Variants in GTF2IRD2 observed in about 807,000 individuals in gnomAD.
GTF2IRD2 encodes the protein general transcription factor II-I repeat domain-containing protein 2A.
A neutral mutation model predicts 49.2 loss-of-function variants in GTF2IRD2; 8 were observed. That is an observed-to-expected ratio of 0.16 (90% CI 0.10 to 0.29). The LOEUF is 0.29. GTF2IRD2 is among the 10% of genes least tolerant of loss of function. The probability of loss-of-function intolerance (pLI) is 1.00; values close to 1 mark genes in which losing one functional copy is unlikely to be tolerated. For synonymous variants in GTF2IRD2, 47 were observed against 289.7 expected (o/e 0.16, Z 8.51); for missense variants, 130 against 725.7 (o/e 0.18, Z 9.43).
chr7:74,831,222 C>G (rs1195269498), intron 3 of GTF2IRD2, among the ~76,000 whole-genome samples: 1 of 150,624 alleles, frequency 6.6e-6, no homozygotes, highest in African/African-American at 2.4e-5. Flanking sequence ...CTCTCTCTAT[C>G]CATTCATCTA....
At chr7:74,833,324 G>T (rs1450174815) in intron 2 of GTF2IRD2, among the ~76,000 whole-genome samples, 1 of 70,418 alleles carries the variant, frequency 1.4e-5, no homozygotes, top group African/African-American at 5.6e-5. Context: ...CTTGTGATCC[G>T]CCCACCTTGG....
intron 15 of GTF2IRD2, chr7:74,799,011 C>CTTTTTTTTTTTTTTT (rs1286153945): frequency 7.0e-5 from 9 of 129,198 alleles, no homozygotes; most frequent in Non-Finnish European, 1.1e-4. Flanking sequence ...TTTTCTTTTT[C>CTTTTTTTTTTTTTTT]TTTTTTTTTT....
chr7:74,824,195 A>C (rs1188883529), intron 4 of GTF2IRD2, among the ~76,000 whole-genome samples: 5 of 132,818 alleles, frequency 3.8e-5, no homozygotes, highest in Non-Finnish European at 7.9e-5. Flanking sequence ...GTGGCCAGGC[A>C]CGGCGGCTCA....
At chr7:74,816,880 TG>T (rs1798557518) in intron 8 of GTF2IRD2, among the ~76,000 whole-genome samples, 1 of 127,464 alleles carries the variant, frequency 7.8e-6, no homozygotes, top group South Asian at 2.8e-4. Context: ...GATCCTTGGG[TG>T]TGACAAAGGA....
At position 74,842,374 on chromosome 7, in the gene GTF2IRD2, C is replaced by T. The variant is rs371327355; in HGVS notation, c.-5-5991G>A. On this transcript the variant is annotated intron_variant, in intron 1 of 15. Transcript: ENST00000451013. ...CCTCCTGAGTAGCTAGGATTACAGG[C>T]GTGCACCACCATGCCCAGCTAATTT... 1.5e-5 allele frequency among the ~76,000 whole-genome samples: 2 copies of T among 135,508 alleles called. 1 individual carries two copies. Among genetic ancestry groups the T allele is most frequent in the Admixed American group, 1.5e-4 (2 of 13,532 alleles). 88.9% of individuals were successfully genotyped at this position (135,508 alleles called of 152,430 possible).
chr7:74,806,569 C>T (rs1345265408), intron 12 of GTF2IRD2, among the ~76,000 whole-genome samples: 3 of 152,180 alleles, frequency 2.0e-5, no homozygotes, highest in Non-Finnish European at 4.4e-5. Context: ...CTTAGCCTCC[C>T]AAAGTGCTGG....
chr7:74,832,696 G>A, intron 3 of GTF2IRD2, 109 bp downstream of exon 3: 3 of 1,231,906 alleles, frequency 2.4e-6, no homozygotes, highest in Non-Finnish European at 3.5e-6. Context: ...GATGTGTTAG[G>A]ATCGTTTCTA....
intron 1 of GTF2IRD2, among the ~76,000 whole-genome samples, chr7:74,841,758 G>A (rs1554421889): frequency 2.1e-5 from 3 of 143,382 alleles, no homozygotes; most frequent in Admixed American, 2.1e-4. Context: ...TATAGGAACT[G>A]AAAATAGATT....
rs1554421474 is a variant in GTF2IRD2 at position 74,839,692 on chromosome 7, G to T, written c.-5-3309C>A. Reference sequence around the variant, plus strand: ...CCTGCAATTGCCATTGATCTATGATGTCATCACACTCAATGTGTATTAAGA... The same window carrying T: ...CCTGCAATTGCCATTGATCTATGATTTCATCACACTCAATGTGTATTAAGA... On this transcript the variant is annotated intron_variant, in intron 1 of 15. Transcript: ENST00000451013. Among the ~76,000 whole-genome samples the T allele has an allele frequency of 5.6e-4, 64 of 114,486 alleles. 1 individual carries two copies. The highest frequency in any genetic ancestry group is 1.1e-3 in the Non-Finnish European group (60 of 55,408). The allele number at this position is 114,486 out of a possible 152,430, so 75.1% of individuals were successfully genotyped here.
intron 15 of GTF2IRD2, among the ~76,000 whole-genome samples, 196 bp from the exon 16 acceptor site, chr7:74,798,461 C>T (rs1554416619): frequency 6.6e-6 from 1 of 151,862 alleles, no homozygotes; most frequent in Admixed American, 6.6e-5. Flanking sequence ...AGGATGCCAG[C>T]TGTGGCCAGA....
At position 74,797,584 on chromosome 7, in the gene GTF2IRD2, C is replaced by T. The variant is rs1197018458; in HGVS notation, c.1928G>A (p.Cys643Tyr). The T allele has an allele frequency of 6.3e-7, 1 of 1,585,310 alleles. No individual in the cohort carries two copies. Among genetic ancestry groups the T allele is most frequent in the East Asian group, 2.3e-5 (1 of 44,044 alleles). ...TKLKSRVATF[C>Y]KGAELKSICC... is the part of the protein sequence containing the mutation. ...GATGGACTTCAGTTCCGCACCCTTG[C>T]AGAACGTCGCCACCCTGGACTTCAG... The change falls in exon 16 of 16, where the codon TGC becomes TAC. Residue 643 changes from cysteine to tyrosine, a missense_variant. Physicochemically the swap from Cys to Tyr is radical, Grantham distance 194. Transcript: ENST00000451013.
chr7:74,830,108 G>A (rs1283551209), intron 3 of GTF2IRD2, among the ~76,000 whole-genome samples: 3 of 144,572 alleles, frequency 2.1e-5, no homozygotes, highest in Non-Finnish European at 3.0e-5. Context: ...CATGCCAGGT[G>A]CAGATCTCAG....
At chr7:74,818,573 C>A (rs1383620814) in intron 8 of GTF2IRD2, among the ~76,000 whole-genome samples, 1 of 136,990 alleles carries the variant, frequency 7.3e-6, no homozygotes, top group Non-Finnish European at 1.5e-5. Context: ...GATCCTCCCA[C>A]CTCAGCCTCC....
At chr7:74,831,210 C>G (rs1799814300) in intron 3 of GTF2IRD2, among the ~76,000 whole-genome samples, 3 of 150,872 alleles carry the variant, frequency 2.0e-5, no homozygotes, top group South Asian at 4.2e-4. Context: ...ATCTCTCTCT[C>G]TCTCTCTCTA....
intron 3 of GTF2IRD2, among the ~76,000 whole-genome samples, chr7:74,831,402 A>G (rs1280935555): frequency 6.7e-6 from 1 of 150,014 alleles, no homozygotes; most frequent in African/African-American, 2.5e-5. Context: ...TTATTTATCT[A>G]TCTACCTATC....
At chr7:74,826,082 G>T (rs1418179035) in intron 3 of GTF2IRD2, among the ~76,000 whole-genome samples, 1 of 151,570 alleles carries the variant, frequency 6.6e-6, no homozygotes, top group South Asian at 2.1e-4. Context: ...ACCACACCCC[G>T]CCAAGTATAG....
chr7:74,831,214 C>G (rs1173743885), intron 3 of GTF2IRD2, among the ~76,000 whole-genome samples: 5 of 150,982 alleles, frequency 3.3e-5, no homozygotes, highest in African/African-American at 7.3e-5. Flanking sequence ...CTCTCTCTCT[C>G]TCTCTATCCA....
At chr7:74,818,459 T>TC (rs1387996685) in intron 8 of GTF2IRD2, among the ~76,000 whole-genome samples, 53,048 of 88,542 alleles carry the variant, frequency 0.6, 16,186 homozygotes, top group East Asian at 0.81. Context: ...TCTCTCTCTC[T>TC]TTTTTTTTTT....
intron 6 of GTF2IRD2, chr7:74,822,056 T>G (rs1382225194): frequency 7.2e-5 from 25 of 345,204 alleles, no homozygotes; most frequent in Admixed American, 1.2e-4. Flanking sequence ...GTTTTGTTTT[T>G]TTTTTTTTGA....
Sources: gnomAD v4.1 joint callset for allele counts (sites outside exome capture counted in the v4.1 genomes callset) on GRCh38, gnomAD v4.1.1 for gene constraint, MANE v1.5 for transcripts, NCBI Gene and HGNC (gene_info 2026-07-23, HGNC 2026-07-21) for gene names.